PDS5B: variants seen among roughly 807,000 people sequenced by gnomAD.
The protein encoded by PDS5B is PDS5 cohesin associated factor B.
PDS5B carries 51 observed loss-of-function variants against 184.1 expected under a neutral mutation model. That is an observed-to-expected ratio of 0.28 (90% CI 0.22 to 0.35). The LOEUF (loss-of-function observed/expected upper bound fraction) is 0.35. Among genes scored for constraint, PDS5B ranks in the 10% least tolerant of loss-of-function variants. PDS5B has a pLI of 1.00. For missense variants in PDS5B, 1,180 were observed against 1,723.3 expected, an observed-to-expected ratio of 0.68 and a Z score of 5.58; for synonymous variants, 566 against 569.2, an observed-to-expected ratio of 0.99 and a Z score of 0.08.
At chr13:32,634,063 A>G (rs1293261524) in intron 1 of PDS5B, among the ~76,000 whole-genome samples, 2 of 152,088 alleles carry the variant, frequency 1.3e-5, no homozygotes, top group African/African-American at 4.8e-5. Context: ...GTTATCTTCC[A>G]GTTGTTCAGA....
chr13:32,743,593 CA>C (rs1344318921), intron 23 of PDS5B, among the ~76,000 whole-genome samples: 2 of 152,048 alleles, frequency 1.3e-5, no homozygotes, highest in Non-Finnish European at 2.9e-5. Context: ...AATAAGAAAA[CA>C]TACAAAGATG....
chr13:32,777,351 C>CTTTTTTTTTTT lies in PDS5B; in HGVS notation c.*2304_*2314dup, dbSNP rs546641613. The CTTTTTTTTTTT allele has an allele frequency of 1.2e-3, 156 of 129,478 alleles. 1 individual carries two copies. The highest frequency in any genetic ancestry group is 1.9e-3 in the Non-Finnish European group (114 of 61,058). 8.0% of individuals were successfully genotyped at this position (129,478 alleles called of 1,614,324 possible). Reference sequence around the variant, plus strand: ...ATGTAAATTTTTCTTTTCTTTCTTTCTTTTTTTTTTTTTTTGTGTAGAAAA... The same window carrying CTTTTTTTTTTT: ...ATGTAAATTTTTCTTTTCTTTCTTTCTTTTTTTTTTTTTTTTTTTTTTTTTTGTGTAGAAAA... On this transcript the variant is annotated 3_prime_UTR_variant, in exon 35 of 35. Coordinates refer to ENST00000315596, the MANE Select transcript of PDS5B (RefSeq NM_015032.4).
intron 1 of PDS5B, among the ~76,000 whole-genome samples, chr13:32,589,797 T>C (rs1048220666): frequency 5.5e-5 from 3 of 54,742 alleles, no homozygotes; most frequent in African/African-American, 3.3e-4. Context: ...GTATTTACTT[T>C]TTAAGAAGCT....
intron 33 of PDS5B, among the ~76,000 whole-genome samples, chr13:32,772,736 G>A (rs1954831633): frequency 6.6e-6 from 1 of 152,140 alleles, no homozygotes; most frequent in Non-Finnish European, 1.5e-5. Context: ...AGATAACTTT[G>A]TAAAGAGAAG....
At chr13:32,655,348 A>G (rs1487406408) in intron 3 of PDS5B, among the ~76,000 whole-genome samples, 1 of 87,702 alleles carries the variant, frequency 1.1e-5, no homozygotes, top group Non-Finnish European at 2.2e-5. Flanking sequence ...GTATCTCTTC[A>G]TGTTCTTTGC....
rs551036165 is a variant in PDS5B, at chr13:32,719,992, T to G, written c.2123+9886T>G. ...TTTGTGTTTTTAGTAGAGACTGGATTTTGCCATGTGGGCGGGGCTGGTCTC... is the reference window on the plus strand; with the variant it reads ...TTTGTGTTTTTAGTAGAGACTGGATGTTGCCATGTGGGCGGGGCTGGTCTC... On this transcript the variant is annotated intron_variant, in intron 19 of 34. Coordinates refer to ENST00000315596, the MANE Select transcript of PDS5B (RefSeq NM_015032.4). Among the ~76,000 whole-genome samples the G allele has an allele frequency of 4.3e-4, 66 of 152,146 alleles. 1 individual carries two copies. The highest frequency in any genetic ancestry group is 8.7e-4 in the Non-Finnish European group (59 of 68,020).
At chr13:32,626,505 A>G (rs1472498695) in intron 1 of PDS5B, among the ~76,000 whole-genome samples, 2 of 152,184 alleles carry the variant, frequency 1.3e-5, no homozygotes, top group Non-Finnish European at 2.9e-5. Context: ...TTCTTTAATT[A>G]TTGTAGTCAG....
At chr13:32,655,372 ATATTT>A (rs1179568281) in intron 3 of PDS5B, among the ~76,000 whole-genome samples, 4 of 52,304 alleles carry the variant, frequency 7.6e-5, no homozygotes, top group Non-Finnish European at 1.3e-4. Context: ...ATATATATAT[ATATTT>A]TTTTTTTTTT....
chr13:32,592,503 C>A (rs180959933), intron 1 of PDS5B, among the ~76,000 whole-genome samples: 1 of 152,072 alleles, frequency 6.6e-6, no homozygotes, highest in Non-Finnish European at 1.5e-5. Flanking sequence ...GTGATCTGCC[C>A]GCCTTGGCCT....
chr13:32,634,694 C>G (rs1566266762), intron 1 of PDS5B, among the ~76,000 whole-genome samples: 1 of 152,072 alleles, frequency 6.6e-6, no homozygotes, highest in Admixed American at 6.5e-5. Context: ...AGCGATTCTC[C>G]TGCCTCAGCC....
At chr13:32,614,282 A>G (rs1224321836) in intron 1 of PDS5B, among the ~76,000 whole-genome samples, 7 of 148,848 alleles carry the variant, frequency 4.7e-5, no homozygotes, top group East Asian at 2.0e-4. Flanking sequence ...GGGGATTCAC[A>G]TTATTCACAT....
At chr13:32,610,046 G>T (rs1435688646) in intron 1 of PDS5B, among the ~76,000 whole-genome samples, 2 of 152,214 alleles carry the variant, frequency 1.3e-5, no homozygotes, top group Non-Finnish European at 2.9e-5. Context: ...ACTAGTGTAA[G>T]AGTTGGCTTA....
chr13:32,619,260 A>G (rs1016060658), intron 1 of PDS5B, among the ~76,000 whole-genome samples: 1 of 152,230 alleles, frequency 6.6e-6, no homozygotes, highest in Non-Finnish European at 1.5e-5. Flanking sequence ...CAACAGGGGT[A>G]CATTCTGAGA....
At chr13:32,598,764 T>TTC (rs749253295) in intron 1 of PDS5B, among the ~76,000 whole-genome samples, 51 of 141,260 alleles carry the variant, frequency 3.6e-4, no homozygotes, top group Admixed American at 1.6e-3. Flanking sequence ...ATGGTTTTTT[T>TTC]TCTCTCTTTT....
intron 19 of PDS5B, among the ~76,000 whole-genome samples, chr13:32,717,050 T>C (rs868040963): frequency 0.077 from 1,777 of 23,104 alleles, 85 homozygotes; most frequent in African/African-American, 0.22. Flanking sequence ...GCCAGCCGCC[T>C]CGTCCGGGAG....
intron 17 of PDS5B, among the ~76,000 whole-genome samples, chr13:32,703,791 AAG>A (rs1951929191): frequency 6.6e-6 from 1 of 152,218 alleles, no homozygotes; most frequent in Non-Finnish European, 1.5e-5. Flanking sequence ...TAGGTGAATG[AAG>A]AGATGTACCC....
intron 30 of PDS5B, 148 bp from the exon 31 acceptor site, chr13:32,764,341 A>C (rs1247177556): frequency 2.5e-6 from 1 of 399,890 alleles, no homozygotes; most frequent in Non-Finnish European, 4.5e-6. Context: ...TTGCTTGTTG[A>C]GTTGGTACCA....
intron 1 of PDS5B, among the ~76,000 whole-genome samples, chr13:32,647,710 T>TGCC: frequency 6.6e-6 from 1 of 152,362 alleles, no homozygotes; most frequent in South Asian, 2.1e-4. Flanking sequence ...TTTTTTTTGT[T>TGCC]TCCTGTAGAT....
chr13:32,697,407 A>C (rs935901480), intron 15 of PDS5B, among the ~76,000 whole-genome samples: 1 of 152,178 alleles, frequency 6.6e-6, no homozygotes, highest in African/African-American at 2.4e-5. Context: ...GTGTATAGCA[A>C]ATGGATAGAG....
Sources: allele counts gnomAD v4.1 joint callset (sites outside exome capture counted in the v4.1 genomes callset), GRCh38; gene constraint gnomAD v4.1.1; transcripts MANE v1.5; gene names NCBI Gene and HGNC (gene_info 2026-07-23, HGNC 2026-07-21).